The following TLL1 variants were observed in gnomAD, a reference collection of about 807,000 sequenced individuals.
TLL1 encodes tolloid like 1.
A neutral mutation model predicts 128.2 loss-of-function variants in TLL1; 49 were observed. The ratio of observed to expected loss-of-function variants is 0.38; its 90% CI spans 0.30 to 0.48. The LOEUF is 0.48. TLL1 is among the 20% of genes least tolerant of loss of function. The pLI is 0.96. For synonymous variants in TLL1, 454 were observed against 418.8 expected (o/e 1.08, Z -1.03); for missense variants, 1,123 against 1,242.0 (o/e 0.90, Z 1.44).
At chr4:166,070,617 C>T (rs771413275) in intron 16 of TLL1, among the ~76,000 whole-genome samples, 4 of 151,848 alleles carry the variant, frequency 2.6e-5, no homozygotes, top group East Asian at 1.9e-4. Context: ...AGGACAGAAA[C>T]GGACTAAAAC....
chr4:166,100,969 T>A lies in TLL1; in HGVS notation c.*93T>A. 1.3e-6 allele frequency: 2 copies of A among 1,503,558 alleles called. No individual in the cohort carries two copies. The highest frequency in any genetic ancestry group is 1.2e-5 in the South Asian group (1 of 81,914). 93.1% of individuals were successfully genotyped at this position (1,503,558 alleles called of 1,614,324 possible). ...TGAAGATATTGGCACAAATGTTTTA[T>A]ACAAAGAGTTTGAACAAAAAATCCC... On this transcript the variant is annotated 3_prime_UTR_variant, in exon 21 of 21. Transcript: ENST00000061240.
At position 166,074,954 on chromosome 4, in the gene TLL1, A is replaced by G. The variant is rs570409741; in HGVS notation, c.2265A>G (p.Gln755=). ...ACACGATGGGGAGCTACATGTGTCAATGCCGTAATGGATTTGTGCTACATG... is the reference window on the plus strand; with the variant it reads ...ACACGATGGGGAGCTACATGTGTCAGTGCCGTAATGGATTTGTGCTACATG... ...CVNTMGSYMC[Q]CRNGFVLHDN... The change falls in exon 17 of 21, where the codon CAA becomes CAG. Residue 755 remains glutamine, a synonymous_variant. Coordinates refer to ENST00000061240, the MANE Select transcript of TLL1 (RefSeq NM_012464.5). 19 of 1,613,728 alleles carry G rather than the reference A, an allele frequency of 1.2e-5. No individual in the cohort carries two copies. The highest frequency in any genetic ancestry group is 3.3e-5 in the Admixed American group (2 of 60,006).
At chr4:166,028,103 G>GT (rs557024327) in intron 9 of TLL1, among the ~76,000 whole-genome samples, 1,668 of 151,324 alleles carry the variant, frequency 0.011, 34 homozygotes, top group African/African-American at 0.036. Context: ...ATTCTGCTGG[G>GT]TTTTTTTTCT....
At chr4:165,963,946 A>T (rs1579552917) in intron 1 of TLL1, among the ~76,000 whole-genome samples, 6 of 152,304 alleles carry the variant, frequency 3.9e-5, no homozygotes, top group Admixed American at 3.9e-4. Context: ...GTTAAACCAT[A>T]TCTTTATGAG....
intron 8 of TLL1, among the ~76,000 whole-genome samples, chr4:166,024,109 T>C (rs1738376745): frequency 6.6e-6 from 1 of 152,230 alleles, no homozygotes; most frequent in Admixed American, 6.5e-5. Context: ...TTCTTGACCT[T>C]GAGCTTTGTT....
At chr4:165,889,961 AG>A (rs931413803) in intron 1 of TLL1, among the ~76,000 whole-genome samples, 12 of 152,302 alleles carry the variant, frequency 7.9e-5, no homozygotes, top group African/African-American at 2.9e-4. Flanking sequence ...TAACTTATAA[AG>A]GAAAGAGGTT....
At chr4:165,968,238 G>A (rs1384690422) in intron 1 of TLL1, among the ~76,000 whole-genome samples, 1 of 152,140 alleles carries the variant, frequency 6.6e-6, no homozygotes, top group Admixed American at 6.6e-5. Flanking sequence ...TTCTAAGCAA[G>A]AAGTAAATAT....
At chr4:165,957,701 CTTTT>C (rs568454587) in intron 1 of TLL1, among the ~76,000 whole-genome samples, 6 of 135,830 alleles carry the variant, frequency 4.4e-5, no homozygotes, top group African/African-American at 1.3e-4. Flanking sequence ...TTGGATCATT[CTTTT>C]TTTTTTTTTT....
chr4:166,102,742 G>C lies in TLL1; in HGVS notation c.*1866G>C, dbSNP rs1742349946. On this transcript the variant is annotated 3_prime_UTR_variant, in exon 21 of 21. Coordinates refer to ENST00000061240, the MANE Select transcript of TLL1 (RefSeq NM_012464.5). Reference sequence around the variant, plus strand: ...AATTGTTGCCCTGAAAAAATTTCTTGCATATGAATTGTAAAATGTAAATAC... The same window carrying C: ...AATTGTTGCCCTGAAAAAATTTCTTCCATATGAATTGTAAAATGTAAATAC... 6.6e-6 allele frequency: 1 copy of C among 151,758 alleles called. No individual in the cohort carries two copies. The highest frequency in any genetic ancestry group is 3.4e-3 in the Middle Eastern group (1 of 294). 9.4% of individuals were successfully genotyped at this position (151,758 alleles called of 1,614,324 possible).
intron 1 of TLL1, among the ~76,000 whole-genome samples, chr4:165,947,039 C>T (rs1053397426): frequency 6.6e-6 from 1 of 152,026 alleles, no homozygotes; most frequent in Non-Finnish European, 1.5e-5. Context: ...TATTTGTCAG[C>T]AAGATGTCAC....
At chr4:166,042,939 CA>C (rs1176701952) in intron 11 of TLL1, among the ~76,000 whole-genome samples, 15 of 152,126 alleles carry the variant, frequency 9.9e-5, no homozygotes, top group Non-Finnish European at 1.9e-4. Flanking sequence ...GTCGAAAGAC[CA>C]AAGGAAGCAG....
At chr4:166,081,354 T>G (rs1741274780) in intron 18 of TLL1, among the ~76,000 whole-genome samples, 1 of 152,188 alleles carries the variant, frequency 6.6e-6, no homozygotes, top group Non-Finnish European at 1.5e-5. Flanking sequence ...AGGATTACAA[T>G]GAGGCTTCAG....
intron 1 of TLL1, among the ~76,000 whole-genome samples, chr4:165,954,827 A>T (rs926099662): frequency 6.6e-6 from 1 of 152,142 alleles, no homozygotes; most frequent in Non-Finnish European, 1.5e-5. Context: ...AACTTCACAA[A>T]GATAAAGGAA....
At position 166,003,394 on chromosome 4, in the gene TLL1, C is replaced by T. The variant is rs1737257182; in HGVS notation, c.636C>T (p.Cys212=). 1.2e-6 allele frequency: 2 copies of T among 1,613,978 alleles called. No individual in the cohort carries two copies. Among genetic ancestry groups the T allele is most frequent in the Non-Finnish European group, 1.7e-6 (2 of 1,179,916 alleles). ...YIVFTYRPCG[C]CSYVGRRGNG... ...TCCACTTTCTCTTTTATTCCAGATG[C>T]TGCTCCTATGTAGGTCGGCGAGGAA... is the stretch of plus-strand genomic sequence containing the variant. The change falls in exon 6 of 21, where the codon TGC becomes TGT. Residue 212 remains cysteine, a synonymous_variant. Transcript: ENST00000061240.
intron 18 of TLL1, among the ~76,000 whole-genome samples, chr4:166,081,432 C>T (rs747390044): frequency 1.1e-4 from 17 of 152,178 alleles, no homozygotes; most frequent in Non-Finnish European, 1.9e-4. Context: ...ACTCATGCAC[C>T]TCCTGCTTTT....
chr4:166,023,938 C>T lies in TLL1; in HGVS notation c.1043-1378C>T, dbSNP rs978598694. Among the ~76,000 whole-genome samples, 15 of 151,852 alleles carry T rather than the reference C, an allele frequency of 9.9e-5. 1 individual carries two copies. Among genetic ancestry groups the T allele is most frequent in the African/African-American group, 3.6e-4 (15 of 41,308 alleles). On this transcript the variant is annotated intron_variant, in intron 8 of 20. Coordinates refer to ENST00000061240, the MANE Select transcript of TLL1 (RefSeq NM_012464.5). ...TTGGTTTTTTTTTTATAGAAACACA[C>T]TCAACTCCCAAATCATTGTTTAGCA...
chr4:165,948,440 T>C (rs1006471405), intron 1 of TLL1, among the ~76,000 whole-genome samples: 4 of 152,144 alleles, frequency 2.6e-5, no homozygotes, highest in Non-Finnish European at 5.9e-5. Context: ...CTTAGTCCAC[T>C]TTCTGTTTCT....
Position 166,077,896 on chromosome 4 carries a change from G to T in TLL1, c.2315-7G>T. ...CACACTGTCTGATATTATGGTTATT[G>T]GTGCAGCTGAGTGTGAACAGAAGAT... On this transcript the variant is annotated splice_polypyrimidine_tract_variant and splice_region_variant and intron_variant, in intron 17 of 20. Coordinates refer to ENST00000061240, the MANE Select transcript of TLL1 (RefSeq NM_012464.5). The T allele has an allele frequency of 1.2e-6, 2 of 1,613,196 alleles. No homozygotes were observed. The highest frequency in any genetic ancestry group is 2.2e-5 in the South Asian group (2 of 91,032).
At chr4:166,051,303 C>CTTCCTTCCTTCCTTCCTTCCTTCT (rs1739721092) in intron 12 of TLL1, among the ~76,000 whole-genome samples, 1 of 94,360 alleles carries the variant, frequency 1.1e-5, no homozygotes, top group South Asian at 3.2e-4. Flanking sequence ...CCCTCCTTTC[C>CTTCCTTCCTTCCTTCCTTCCTTCT]TTCCTTCCTT....
Sources: allele counts gnomAD v4.1 joint callset (sites outside exome capture counted in the v4.1 genomes callset), GRCh38; gene constraint gnomAD v4.1.1; transcripts MANE v1.5; gene names NCBI Gene and HGNC (gene_info 2026-07-23, HGNC 2026-07-21).